Variants in DOP1B observed in about 807,000 individuals in gnomAD.
The protein encoded by DOP1B is protein DOP1B.
DOP1B carries 174 observed loss-of-function variants against 233.5 expected under a neutral mutation model. That is an observed-to-expected ratio of 0.75 (90% confidence interval 0.66 to 0.85). The LOEUF (loss-of-function observed/expected upper bound fraction) is 0.85, where lower values mean the gene tolerates loss of function less well. Among genes scored for constraint, DOP1B ranks in the 40% least tolerant of loss-of-function variants. The pLI is 0.00. For synonymous variants in DOP1B, 1,190 were observed against 1,185.6 expected (o/e 1.00, Z -0.08); for missense variants, 2,652 against 2,846.6 (o/e 0.93, Z 1.56).
intron 1 of DOP1B, among the ~76,000 whole-genome samples, chr21:36,159,405 C>T (rs147656284): frequency 0.011 from 1,639 of 152,118 alleles, 13 homozygotes; most frequent in Admixed American, 0.019. Flanking sequence ...GAGTTGAGAT[C>T]GCGCCATTGC....
At chr21:36,206,907 C>T (rs187161483) in intron 4 of DOP1B, among the ~76,000 whole-genome samples, 4 of 152,274 alleles carry the variant, frequency 2.6e-5, no homozygotes, top group South Asian at 2.1e-4. Context: ...TCTAAGAAGA[C>T]GGTACCATGC....
At chr21:36,268,559 G>A (rs543168405) in intron 26 of DOP1B, among the ~76,000 whole-genome samples, 1 of 152,316 alleles carries the variant, frequency 6.6e-6, no homozygotes, top group African/African-American at 2.4e-5. Flanking sequence ...AGGATTAAGA[G>A]ATTAAAGACA....
intron 2 of DOP1B, among the ~76,000 whole-genome samples, chr21:36,179,684 A>G (rs1184631324): frequency 6.6e-6 from 1 of 152,166 alleles, no homozygotes; most frequent in Non-Finnish European, 1.5e-5. Flanking sequence ...TATTATAAAT[A>G]AGGGGGAAGA....
At chr21:36,210,662 A>T (rs559435123) in intron 5 of DOP1B, among the ~76,000 whole-genome samples, 4 of 152,150 alleles carry the variant, frequency 2.6e-5, no homozygotes, top group African/African-American at 9.6e-5. Flanking sequence ...AACAAAAAAA[A>T]TTAGCAGAGC....
At chr21:36,204,658 A>ATTTTTTTTTTTTTTTTTT in intron 4 of DOP1B, among the ~76,000 whole-genome samples, 1 of 115,212 alleles carries the variant, frequency 8.7e-6, no homozygotes, top group Non-Finnish European at 1.7e-5. Context: ...TGACATTTCT[A>ATTTTTTTTTTTTTTTTTT]TTTTTTTTTT....
In DOP1B at chr21:36,164,869, A is replaced by G; in HGVS notation, c.136A>G (p.Lys46Glu). The G allele has an allele frequency of 6.2e-7, 1 of 1,610,066 alleles. No individual in the cohort carries two copies. The highest frequency in any genetic ancestry group is 8.5e-7 in the Non-Finnish European group (1 of 1,178,344). ...CATATCTTCACTTGGCAAACTCAAC[A>G]AGGTATGTAGGGTGTATCCTATTTG... ...DLISSLGKLN[K>E]ALQSNLRYSL... The change falls in exon 2 of 37, where the codon AAG becomes GAG. Residue 46 changes from lysine (K) to glutamate (E), a missense_variant and splice_region_variant. Lys to Glu is a moderately conservative substitution (Grantham distance 56). Coordinates refer to ENST00000691173, the MANE Select transcript of DOP1B (RefSeq NM_001320714.2).
chr21:36,251,326 A>G (rs1338887669), intron 22 of DOP1B, 42 bp downstream of exon 22: 1 of 1,586,312 alleles, frequency 6.3e-7, no homozygotes, highest in Admixed American at 1.8e-5. Context: ...ACTTACTGTG[A>G]CAAAGAAATA....
chr21:36,169,852 A>C, intron 2 of DOP1B: 1 of 886,828 alleles, frequency 1.1e-6, no homozygotes, highest in Non-Finnish European at 1.9e-6. Flanking sequence ...CTCATCGTTG[A>C]TGTGCTCAGC....
chr21:36,163,022 CAGAA>C (rs1172945754), intron 1 of DOP1B, among the ~76,000 whole-genome samples: 2 of 151,980 alleles, frequency 1.3e-5, no homozygotes, highest in African/African-American at 4.8e-5. Flanking sequence ...AGTGAGGAAA[CAGAA>C]AGGACCTCTG....
intron 32 of DOP1B, among the ~76,000 whole-genome samples, chr21:36,282,467 G>C (rs560637629): frequency 5.9e-5 from 9 of 152,198 alleles, no homozygotes; most frequent in African/African-American, 1.9e-4. Flanking sequence ...ATTTGTATTA[G>C]TTTTTAAAAG....
At chr21:36,238,448 G>A (rs1300046949) in intron 16 of DOP1B, among the ~76,000 whole-genome samples, 153 bp from the exon 17 acceptor site, 5 of 152,188 alleles carry the variant, frequency 3.3e-5, no homozygotes, top group South Asian at 2.1e-4. Context: ...CCTTCTGGCC[G>A]AATCAGTCAA....
Position 36,241,788 on chromosome 21 carries a change from G to T in DOP1B, c.3067+1833G>T, listed in dbSNP as rs796143036. 3.3e-4 allele frequency among the ~76,000 whole-genome samples: 47 copies of T among 144,440 alleles called. 1 individual carries two copies. The highest frequency in any genetic ancestry group is 1.2e-3 in the African/African-American group (46 of 38,764). The allele number at this position is 144,440 out of a possible 152,430, so 94.8% of individuals were successfully genotyped here. Reference sequence around the variant, plus strand: ...ACTCCTGACCCCAAATGATCCTCCCGCCTCAGCCTCCTAAATTGCTGGGAT... The same window carrying T: ...ACTCCTGACCCCAAATGATCCTCCCTCCTCAGCCTCCTAAATTGCTGGGAT... On this transcript the variant is annotated intron_variant, in intron 18 of 36. Coordinates refer to ENST00000691173, the MANE Select transcript of DOP1B (RefSeq NM_001320714.2).
At chr21:36,285,962 C>G (rs978445155) in intron 32 of DOP1B, among the ~76,000 whole-genome samples, 24 of 151,592 alleles carry the variant, frequency 1.6e-4, no homozygotes, top group African/African-American at 5.8e-4. Context: ...GAGCCGAGAT[C>G]GCGCCACTGC....
At position 36,239,808 on chromosome 21, in the gene DOP1B, G is replaced by A. The variant is rs2066872174; in HGVS notation, c.2920G>A (p.Ala974Thr). 2 of 1,561,106 alleles carry A rather than the reference G, an allele frequency of 1.3e-6. No individual in the cohort carries two copies. Among genetic ancestry groups the A allele is most frequent in the African/African-American group, 2.7e-5 (2 of 73,612 alleles). Reference sequence around the variant, plus strand: ...GGACAGCCTGGCCTGCACGGATGGTGCCATCGGTGCGGCAGCCCAGGGCTG... The same window carrying A: ...GGACAGCCTGGCCTGCACGGATGGTACCATCGGTGCGGCAGCCCAGGGCTG... Reference protein sequence around the residue: ...VLDSLACTDGAIGAAAQGWLV... With the variant: ...VLDSLACTDGTIGAAAQGWLV... The change falls in exon 18 of 37, where the codon GCC (alanine) becomes ACC (threonine). Residue 974 changes from alanine (A) to threonine (T), a missense_variant. Physicochemically the swap from Ala to Thr is moderately conservative, Grantham distance 58. Transcript: ENST00000691173.
chr21:36,251,981 G>C (rs987689409), intron 22 of DOP1B, among the ~76,000 whole-genome samples: 1 of 151,982 alleles, frequency 6.6e-6, no homozygotes, highest in African/African-American at 2.4e-5. Context: ...CGGGCAGATC[G>C]CTTGAGTCTA....
At chr21:36,169,634 A>C in intron 2 of DOP1B, 2 of 920,748 alleles carry the variant, frequency 2.2e-6, no homozygotes, top group Non-Finnish European at 3.6e-6. Flanking sequence ...GTTCACTTGG[A>C]TCTCCATCAG....
chr21:36,256,335 G>A (rs889704772), intron 23 of DOP1B, among the ~76,000 whole-genome samples: 1 of 152,080 alleles, frequency 6.6e-6, no homozygotes, highest in African/African-American at 2.4e-5. Context: ...CAGCCACTTG[G>A]GAGGCTGAGA....
At position 36,224,755 on chromosome 21, in the gene DOP1B, CA is replaced by C. The variant is rs1294848506; in HGVS notation, c.1371-809del. Among the ~76,000 whole-genome samples the C allele has an allele frequency of 6.0e-5, 9 of 150,708 alleles. No individual in the cohort carries two copies. In the Admixed American group the frequency reaches 6.0e-4, roughly 10 times the overall value. ...TTATTTTAAAAGAAGTCTTGAATTT[CA>C]GTATAAGATAAGCAACTAACAATAG... is the stretch of plus-strand genomic sequence containing the variant. On this transcript the variant is annotated intron_variant, in intron 11 of 36. Transcript: ENST00000691173.
chr21:36,256,895 G>T (rs2067104177), intron 23 of DOP1B, among the ~76,000 whole-genome samples: 1 of 152,054 alleles, frequency 6.6e-6, no homozygotes. Flanking sequence ...ACACCAGTTG[G>T]GTGTCCTCCA....
Sources: allele counts gnomAD v4.1 joint callset (sites outside exome capture counted in the v4.1 genomes callset), GRCh38; gene constraint gnomAD v4.1.1; transcripts MANE v1.5; gene names NCBI Gene and HGNC (gene_info 2026-07-23, HGNC 2026-07-21).